Variants in MYLK observed in about 807,000 individuals in gnomAD.
MYLK encodes the protein myosin light chain kinase, smooth muscle.
A neutral mutation model predicts 203.4 loss-of-function variants in MYLK; 106 were observed. That is an observed-to-expected ratio of 0.52 (90% CI 0.45 to 0.61). The LOEUF is 0.61. MYLK is among the 20% of genes least tolerant of loss of function. MYLK has a pLI of 0.00. For missense variants in MYLK, 2,072 were observed against 2,442.3 expected, an observed-to-expected ratio of 0.85 and a Z score of 3.20; for synonymous variants, 867 against 959.5, an observed-to-expected ratio of 0.90 and a Z score of 1.78.
intron 27 of MYLK, among the ~76,000 whole-genome samples, chr3:123,641,270 G>T (rs1225549398): frequency 6.6e-6 from 1 of 152,144 alleles, no homozygotes; most frequent in Non-Finnish European, 1.5e-5. Context: ...TTGCCCTTCA[G>T]TGCAAATGCA....
intron 18 of MYLK, among the ~76,000 whole-genome samples, chr3:123,696,962 G>A (rs1195240939): frequency 6.6e-6 from 1 of 152,218 alleles, no homozygotes; most frequent in Non-Finnish European, 1.5e-5. Context: ...GCCCCCGCCT[G>A]GAAGCCCGTC....
chr3:123,804,800 G>C (rs780354039), intron 3 of MYLK, among the ~76,000 whole-genome samples: 4 of 152,162 alleles, frequency 2.6e-5, no homozygotes, highest in Non-Finnish European at 5.9e-5. Flanking sequence ...CCCATGGCCT[G>C]TTTCCCCTGA....
intron 3 of MYLK, among the ~76,000 whole-genome samples, chr3:123,820,476 A>G (rs996722406): frequency 6.6e-6 from 1 of 152,158 alleles, no homozygotes; most frequent in African/African-American, 2.4e-5. Context: ...CCCTAAATTA[A>G]TGGGACATGA....
In MYLK at chr3:123,642,119, C is replaced by T. The variant is rs532809716; in HGVS notation, c.4620-1615G>A. 3.9e-5 allele frequency among the ~76,000 whole-genome samples: 6 copies of T among 152,054 alleles called. No homozygotes were observed. Among genetic ancestry groups the T allele is most frequent in the African/African-American group, 1.2e-4 (5 of 41,396 alleles). On this transcript the variant is annotated intron_variant, in intron 27 of 33. Coordinates refer to ENST00000360304, the MANE Select transcript of MYLK (RefSeq NM_053025.4). This position sits in a 1 kb window ranked among gnomAD's most constrained non-coding sequence, Gnocchi z 4.2. ...TGTAGGTCCACCAGTTGAACAAGGC[C>T]GGGTGGGTTCTGGGCCTGTCCTCTT...
chr3:123,640,266 G>A lies in MYLK; in HGVS notation c.4837+21C>T. 6.2e-7 allele frequency: 1 copy of A among 1,610,172 alleles called. No homozygotes were observed. Among genetic ancestry groups the A allele is most frequent in the Non-Finnish European group, 8.5e-7 (1 of 1,176,604 alleles). On this transcript the variant is annotated intron_variant, in intron 28 of 33. Coordinates refer to ENST00000360304, the MANE Select transcript of MYLK (RefSeq NM_053025.4). This position sits in a 1 kb window ranked among gnomAD's most constrained non-coding sequence, Gnocchi z 4.3. ...AGTGCAATACACACTGGTGTCCATG[G>A]GAGAGGCAGATGAGCCTTACCCAGC... is the stretch of plus-strand genomic sequence containing the variant.
At chr3:123,810,164 G>A (rs1345740712) in intron 3 of MYLK, among the ~76,000 whole-genome samples, 2 of 152,142 alleles carry the variant, frequency 1.3e-5, no homozygotes, top group African/African-American at 4.8e-5. Context: ...TATAAATAAG[G>A]TGAGAGGTTC....
chr3:123,748,605 T>G (rs143724523), intron 5 of MYLK, among the ~76,000 whole-genome samples: 174 of 152,264 alleles, frequency 1.1e-3, no homozygotes, highest in African/African-American at 4.1e-3. Flanking sequence ...GTAAAATATC[T>G]CATTAATAAT....
chr3:123,873,316 C>T (rs1390225277), intron 2 of MYLK, among the ~76,000 whole-genome samples: 4 of 151,888 alleles, frequency 2.6e-5, no homozygotes, highest in Admixed American at 2.0e-4. Flanking sequence ...AAAGTATCTA[C>T]AAAAAACCTA....
intron 2 of MYLK, among the ~76,000 whole-genome samples, chr3:123,832,811 GA>G (rs1053335299): frequency 1.3e-5 from 2 of 151,884 alleles, no homozygotes; most frequent in Non-Finnish European, 1.5e-5. Context: ...GAACTGTGAG[GA>G]AAAAAAATTC....
chr3:123,662,152 C>T (rs2059584948), intron 23 of MYLK, among the ~76,000 whole-genome samples: 1 of 152,190 alleles, frequency 6.6e-6, no homozygotes, highest in Non-Finnish European at 1.5e-5. Context: ...GCTTGCATGT[C>T]TCCCCTCAAG....
rs1246820060 is a variant in MYLK at position 123,629,281 on chromosome 3, C to A, written c.5114+193G>T. Among the ~76,000 whole-genome samples the A allele has an allele frequency of 1.3e-5, 2 of 152,120 alleles. No homozygotes were observed. The highest frequency in any genetic ancestry group is 2.9e-5 in the Non-Finnish European group (2 of 68,010). On this transcript the variant is annotated intron_variant, in intron 30 of 33. Transcript: ENST00000360304. The surrounding 1 kb of genome is among the most constrained non-coding windows in gnomAD (Gnocchi z 4.4). ...CATGTCTAGCTCCAGGGGGCAGGGCCTAGGAAGTCGCCTCCCCAACCCACA... is the reference window on the plus strand; with the variant it reads ...CATGTCTAGCTCCAGGGGGCAGGGCATAGGAAGTCGCCTCCCCAACCCACA...
intron 3 of MYLK, among the ~76,000 whole-genome samples, chr3:123,797,796 G>A (rs2065042587): frequency 6.6e-6 from 1 of 152,222 alleles, no homozygotes; most frequent in African/African-American, 2.4e-5. Flanking sequence ...GAGAGTGTAT[G>A]TAACACCCAT....
intron 4 of MYLK, among the ~76,000 whole-genome samples, chr3:123,773,834 G>A (rs539534643): frequency 4.6e-5 from 7 of 152,346 alleles, no homozygotes; most frequent in African/African-American, 1.4e-4. Flanking sequence ...CCACGAAAAC[G>A]TTGCACTGGT....
chr3:123,612,184 C>A lies in MYLK; in HGVS notation c.*1921G>T, dbSNP rs990551996. ...ATTCTGTTCCATAGCAAAACACAAC[C>A]ACATAAGCCAGTTCTTCACATCTAG... On this transcript the variant is annotated 3_prime_UTR_variant, in exon 34 of 34. Coordinates refer to ENST00000360304, the MANE Select transcript of MYLK (RefSeq NM_053025.4). 2.0e-5 allele frequency: 3 copies of A among 152,718 alleles called. No individual in the cohort carries two copies. The highest frequency in any genetic ancestry group is 2.4e-5 in the African/African-American group (1 of 41,560). The allele number at this position is 152,718 out of a possible 1,614,324, so 9.5% of individuals were successfully genotyped here.
At chr3:123,818,225 T>C (rs1319233450) in intron 3 of MYLK, among the ~76,000 whole-genome samples, 1 of 152,200 alleles carries the variant, frequency 6.6e-6, no homozygotes, top group Non-Finnish European at 1.5e-5. Context: ...AACTCTCCTC[T>C]TCTATAAGAC....
intron 4 of MYLK, among the ~76,000 whole-genome samples, chr3:123,765,644 A>C (rs2063680389): frequency 6.6e-6 from 1 of 152,222 alleles, no homozygotes; most frequent in South Asian, 2.1e-4. Flanking sequence ...AATGTGCATC[A>C]ACAGATAAAT....
At chr3:123,873,500 A>G (rs72974216) in intron 2 of MYLK, among the ~76,000 whole-genome samples, 15,277 of 152,168 alleles carry the variant, frequency 0.1, 1,197 homozygotes, top group East Asian at 0.36. Flanking sequence ...AAATAAAACT[A>G]TCTTTATTCA....
chr3:123,719,491 A>G (rs1038994369), intron 13 of MYLK, among the ~76,000 whole-genome samples: 2 of 152,240 alleles, frequency 1.3e-5, no homozygotes, highest in Non-Finnish European at 2.9e-5. Context: ...GCTCTGCTGG[A>G]CAATCATAAT....
Position 123,791,224 on chromosome 3 carries a change from A to G in MYLK, c.165+2453T>C, listed in dbSNP as rs551244311. 8.5e-5 allele frequency among the ~76,000 whole-genome samples: 13 copies of G among 152,318 alleles called. 1 individual carries two copies. In the South Asian group the frequency reaches 2.5e-3, roughly 29 times the overall value. On this transcript the variant is annotated intron_variant, in intron 4 of 33. Transcript: ENST00000360304. ...GGCAGATCACCACTGACTATGCCCAATAGGGAACTGCAAGTTTTGAGTGTT... is the reference window on the plus strand; with the variant it reads ...GGCAGATCACCACTGACTATGCCCAGTAGGGAACTGCAAGTTTTGAGTGTT...
Sources: allele counts gnomAD v4.1 joint callset (sites outside exome capture counted in the v4.1 genomes callset), GRCh38; gene constraint gnomAD v4.1.1; non-coding constraint Gnocchi (gnomAD v3.1); transcripts MANE v1.5; gene names NCBI Gene and HGNC (gene_info 2026-07-23, HGNC 2026-07-21).